Variants in GLT1D1 observed in about 807,000 individuals in gnomAD.
GLT1D1 encodes glycosyltransferase 1 domain containing 1, also known as glycosyltransferase 1 domain-containing protein 1.
GLT1D1 carries 21 observed loss-of-function variants against 28.7 expected under a neutral mutation model. The observed-to-expected ratio is 0.73, with a 90% confidence interval of 0.52 to 1.05. The LOEUF is 1.05. Among genes scored for constraint, GLT1D1 ranks in the 50% least tolerant of loss-of-function variants. The pLI is 0.00. For synonymous variants in GLT1D1, 147 were observed against 124.8 expected, an observed-to-expected ratio of 1.18 and a Z score of -1.19; for missense variants, 343 against 330.6, an observed-to-expected ratio of 1.04 and a Z score of -0.29.
At chr12:128,909,030 C>T (rs914057248) in intron 4 of GLT1D1, among the ~76,000 whole-genome samples, 3 of 152,178 alleles carry the variant, frequency 2.0e-5, no homozygotes, top group Admixed American at 6.5e-5. Context: ...ATATTGGCTT[C>T]GCAGCTAGTC....
At chr12:128,924,090 T>C (rs376089900) in intron 4 of GLT1D1, among the ~76,000 whole-genome samples, 12 of 152,170 alleles carry the variant, frequency 7.9e-5, no homozygotes, top group African/African-American at 2.9e-4. Context: ...CATGAGCTCA[T>C]AATGTGTCCA....
chr12:128,966,793 A>AT (rs34875010), intron 7 of GLT1D1, among the ~76,000 whole-genome samples: 1 of 151,842 alleles, frequency 6.6e-6, no homozygotes, highest in African/African-American at 2.4e-5. Flanking sequence ...GCCATTTTTA[A>AT]TTTTTTTTTA....
At chr12:128,946,805 C>T (rs12369799) in intron 5 of GLT1D1, among the ~76,000 whole-genome samples, 14,441 of 151,648 alleles carry the variant, frequency 0.095, 902 homozygotes, top group East Asian at 0.22. Flanking sequence ...CGCACCACCA[C>T]GCCTGGCTAA....
rs757216647 is a variant in GLT1D1 at position 128,977,760 on chromosome 12, CTTTTCTTTTTTCTT to C, written c.640-5157_640-5144del. Among the ~76,000 whole-genome samples the C allele has an allele frequency of 6.7e-3, 605 of 90,540 alleles. 4 individuals are homozygous for C. The highest frequency in any genetic ancestry group is 8.0e-3 in the Non-Finnish European group (342 of 42,894). The allele number at this position is 90,540 out of a possible 152,430, so 59.4% of individuals were successfully genotyped here. On this transcript the variant is annotated intron_variant, in intron 7 of 7. Coordinates refer to ENST00000281703, the MANE Select transcript of GLT1D1 (RefSeq NM_144669.3). ...TGCCCTCTATAATGCCTTGTGAGTT[CTTTTCTTTTTTCTT>C]TTTTCTTTTTTTTTTTTTTTTGAAA...
intron 4 of GLT1D1, chr12:128,944,888 G>A: frequency 2.4e-6 from 1 of 416,998 alleles, no homozygotes; most frequent in Non-Finnish European, 4.3e-6. Flanking sequence ...ATGGTGGTTT[G>A]CTGCACCCAT....
At chr12:128,907,556 C>T (rs1029847403) in intron 4 of GLT1D1, among the ~76,000 whole-genome samples, 22 of 152,206 alleles carry the variant, frequency 1.4e-4, no homozygotes, top group African/African-American at 5.3e-4. Flanking sequence ...CCACCCGCCT[C>T]AGCCTCCCAA....
intron 4 of GLT1D1, among the ~76,000 whole-genome samples, chr12:128,908,950 AAAAT>A (rs377518306): frequency 6.6e-6 from 1 of 151,076 alleles, no homozygotes; most frequent in Non-Finnish European, 1.5e-5. Flanking sequence ...CTCCGTCTCA[AAAAT>A]AAATAAATAA....
At chr12:128,936,654 G>A (rs1874600494) in intron 4 of GLT1D1, among the ~76,000 whole-genome samples, 3 of 152,174 alleles carry the variant, frequency 2.0e-5, no homozygotes, top group Admixed American at 2.0e-4. Flanking sequence ...CTTTGATAAG[G>A]AGTGGGGTAT....
At chr12:128,974,115 G>T (rs1187088776) in intron 7 of GLT1D1, among the ~76,000 whole-genome samples, 1 of 152,084 alleles carries the variant, frequency 6.6e-6, no homozygotes, top group African/African-American at 2.4e-5. Context: ...CGTGTGGAGG[G>T]GGAGAGGGCG....
rs1410503648 is a variant in GLT1D1 at position 128,934,196 on chromosome 12, G to GTTTTTTTTTTTTTTTTTTTT, written c.376-11129_376-11128insTTTTTTTTTTTTTTTTTTTT. Among the ~76,000 whole-genome samples, 3 of 128,686 alleles carry GTTTTTTTTTTTTTTTTTTTT rather than the reference G, an allele frequency of 2.3e-5. 1 individual carries two copies. Among genetic ancestry groups the GTTTTTTTTTTTTTTTTTTTT allele is most frequent in the Non-Finnish European group, 1.6e-5 (1 of 62,118 alleles). The allele number at this position is 128,686 out of a possible 152,430, so 84.4% of individuals were successfully genotyped here. A position where few individuals can be genotyped will look rare whatever the true frequency, so the allele number is the denominator to read the frequency against. ...GACTTACTGTGTCTTCAAAGAGACA[G>GTTTTTTTTTTTTTTTTTTTT]TCTTTTTTTTTTTTTTTTTTTTTTT... On this transcript the variant is annotated intron_variant, in intron 4 of 7. Coordinates refer to ENST00000281703, the MANE Select transcript of GLT1D1 (RefSeq NM_144669.3).
chr12:128,870,242 A>G (rs1319774868), intron 1 of GLT1D1, among the ~76,000 whole-genome samples: 1 of 152,110 alleles, frequency 6.6e-6, no homozygotes, highest in African/African-American at 2.4e-5. Context: ...TTTGCACTCC[A>G]GCAAATATTT....
rs1274703871 is a variant in GLT1D1, at chr12:128,983,690, AG to A, written c.*601del. The stretch of plus-strand genomic sequence containing the variant: ...AATTGAAAGTTGTGCTTTTTAGAAA[AG>A]TGGCCAGGCTGCCCGCAGGCCCCGC... On this transcript the variant is annotated 3_prime_UTR_variant, in exon 8 of 8. Coordinates refer to ENST00000281703, the MANE Select transcript of GLT1D1 (RefSeq NM_144669.3). This position sits in a 1 kb window ranked among gnomAD's most constrained non-coding sequence, Gnocchi z 4.7. The A allele has an allele frequency of 6.6e-6, 1 of 152,318 alleles. No individual in the cohort carries two copies. Among genetic ancestry groups the A allele is most frequent in the Non-Finnish European group, 1.5e-5 (1 of 68,122 alleles). The allele number at this position is 152,318 out of a possible 1,614,324, so 9.4% of individuals were successfully genotyped here. A position where few individuals can be genotyped will look rare whatever the true frequency, so the allele number is the denominator to read the frequency against.
At chr12:128,881,508 C>G (rs763453572) in intron 2 of GLT1D1, among the ~76,000 whole-genome samples, 2 of 109,862 alleles carry the variant, frequency 1.8e-5, no homozygotes, top group African/African-American at 7.1e-5. Context: ...CACTCCAGTC[C>G]GGGCAACAGA....
At chr12:128,874,120 CT>C (rs1956802456) in intron 1 of GLT1D1, among the ~76,000 whole-genome samples, 6 of 52,782 alleles carry the variant, frequency 1.1e-4, no homozygotes, top group African/African-American at 5.3e-4. Context: ...CTCTCTCTCT[CT>C]CTCTCTTTCT....
At chr12:128,855,834 C>A (rs1413597972) in intron 1 of GLT1D1, among the ~76,000 whole-genome samples, 1 of 146,618 alleles carries the variant, frequency 6.8e-6, no homozygotes, top group Non-Finnish European at 1.5e-5. Flanking sequence ...CTCACTGCAA[C>A]CTCTGCCCCC....
intron 4 of GLT1D1, among the ~76,000 whole-genome samples, chr12:128,901,442 T>G (rs1028639965): frequency 6.7e-6 from 1 of 148,502 alleles, no homozygotes; most frequent in Admixed American, 6.7e-5. Context: ...CTCTCTCATT[T>G]TTTTTTTTTT....
chr12:128,906,443 G>A (rs1252433381), intron 4 of GLT1D1, among the ~76,000 whole-genome samples: 2 of 152,306 alleles, frequency 1.3e-5, no homozygotes, highest in African/African-American at 4.8e-5. Flanking sequence ...ACCAGGAGAA[G>A]CAATGGTTAT....
At chr12:128,969,461 C>A (rs1878816882) in intron 7 of GLT1D1, among the ~76,000 whole-genome samples, 1 of 152,170 alleles carries the variant, frequency 6.6e-6, no homozygotes, top group African/African-American at 2.4e-5. Flanking sequence ...AAGAGAAGCC[C>A]CTGGCTGACT....
At chr12:128,909,298 C>G (rs1279756064) in intron 4 of GLT1D1, among the ~76,000 whole-genome samples, 2 of 151,704 alleles carry the variant, frequency 1.3e-5, no homozygotes, top group East Asian at 1.9e-4. Flanking sequence ...TGAATCTCCC[C>G]ACACCTCGCC....
Sources: allele counts gnomAD v4.1 joint callset (sites outside exome capture counted in the v4.1 genomes callset), GRCh38; gene constraint gnomAD v4.1.1; non-coding constraint Gnocchi (gnomAD v3.1); transcripts MANE v1.5; gene names NCBI Gene and HGNC (gene_info 2026-07-23, HGNC 2026-07-21).